FLI1: variants seen among roughly 807,000 people sequenced by gnomAD.
The protein encoded by FLI1 is Friend leukemia integration 1 transcription factor.
In FLI1, 13 loss-of-function variants were observed where a neutral mutation model predicts 53.1. The observed-to-expected ratio is 0.24, with a 90% CI of 0.16 to 0.39. The LOEUF (loss-of-function observed/expected upper bound fraction) is 0.39, where lower values mean the gene tolerates loss of function less well. Ranked by LOEUF, FLI1 falls within the 10% of genes least tolerant of loss-of-function variation. The pLI is 1.00. For missense variants in FLI1, 424 were observed against 600.5 expected, an observed-to-expected ratio of 0.71 and a Z score of 3.07; for synonymous variants, 244 against 236.7, an observed-to-expected ratio of 1.03 and a Z score of -0.28.
At chr11:128,726,203 C>G (rs1474019312) in intron 1 of FLI1, among the ~76,000 whole-genome samples, 2 of 152,140 alleles carry the variant, frequency 1.3e-5, no homozygotes, top group Non-Finnish European at 2.9e-5. Context: ...GCTCAGCCCC[C>G]CTGCCCTCCC....
chr11:128,701,923 A>G (rs1254967679), intron 1 of FLI1, among the ~76,000 whole-genome samples: 1 of 152,218 alleles, frequency 6.6e-6, no homozygotes, highest in Admixed American at 6.5e-5. Flanking sequence ...TTAGGTCTGA[A>G]TATATGGGTA....
At chr11:128,780,907 G>T (rs1293895357) in intron 4 of FLI1, among the ~76,000 whole-genome samples, 1 of 152,200 alleles carries the variant, frequency 6.6e-6, no homozygotes, top group Non-Finnish European at 1.5e-5. Context: ...CGTTTCAAGG[G>T]CTCTTTAAGA....
intron 1 of FLI1, among the ~76,000 whole-genome samples, chr11:128,727,937 CTCTCT>C: frequency 6.6e-6 from 1 of 152,370 alleles, no homozygotes. Context: ...GGCATTCCTG[CTCTCT>C]TCTCTGTCCC....
chr11:128,740,613 G>C (rs933654075), intron 1 of FLI1, among the ~76,000 whole-genome samples: 2 of 152,222 alleles, frequency 1.3e-5, no homozygotes, highest in African/African-American at 4.8e-5. Flanking sequence ...AGGAGGGTTA[G>C]TCTGCTGGGA....
At chr11:128,783,855 T>G (rs1941999065) in intron 5 of FLI1, among the ~76,000 whole-genome samples, 1 of 152,136 alleles carries the variant, frequency 6.6e-6, no homozygotes, top group Non-Finnish European at 1.5e-5. Flanking sequence ...TGAGTTTTAT[T>G]TCATTTGTGG....
chr11:128,725,864 T>C (rs1040728245), intron 1 of FLI1, among the ~76,000 whole-genome samples: 15 of 152,170 alleles, frequency 9.9e-5, no homozygotes, highest in African/African-American at 3.6e-4. Context: ...AAGCAGGCAG[T>C]GTGAGATCAC....
rs1942944966 is a variant in FLI1, at chr11:128,811,843, G to T, written c.*855G>T. ...GAAGGCAACTTACTGTATAAATTAT[G>T]CAGAGTTATTTTCCTATATCTCACA... On this transcript the variant is annotated 3_prime_UTR_variant, in exon 9 of 9. Coordinates refer to ENST00000527786, the MANE Select transcript of FLI1 (RefSeq NM_002017.5). 2 of 199,614 alleles carry T rather than the reference G, an allele frequency of 1.0e-5. No homozygotes were observed. Among genetic ancestry groups the T allele is most frequent in the Non-Finnish European group, 2.1e-5 (2 of 96,618 alleles). The allele number at this position is 199,614 out of a possible 1,614,324, so 12.4% of individuals were successfully genotyped here.
At chr11:128,797,987 C>A (rs1403978637) in intron 5 of FLI1, among the ~76,000 whole-genome samples, 2 of 152,078 alleles carry the variant, frequency 1.3e-5, no homozygotes, top group Admixed American at 1.3e-4. Flanking sequence ...AAGAGTGTAT[C>A]CCCTATGGCC....
intron 1 of FLI1, among the ~76,000 whole-genome samples, chr11:128,741,238 C>G (rs1421694654): frequency 6.6e-6 from 1 of 152,076 alleles, no homozygotes; most frequent in South Asian, 2.1e-4. Flanking sequence ...TACTAAAATA[C>G]AAAAATTAGC....
chr11:128,734,865 G>C (rs879125384), intron 1 of FLI1, among the ~76,000 whole-genome samples: 3 of 152,156 alleles, frequency 2.0e-5, no homozygotes, highest in Admixed American at 2.0e-4. Flanking sequence ...TCTAACCAAA[G>C]GGGCAAGATC....
chr11:128,793,816 T>C (rs1591379185), intron 5 of FLI1, among the ~76,000 whole-genome samples: 1 of 152,290 alleles, frequency 6.6e-6, no homozygotes, highest in Middle Eastern at 3.4e-3. Flanking sequence ...TAGGTAAACC[T>C]CCAAGTGGGG....
chr11:128,689,767 C>T (rs1263519567), upstream of FLI1, among the ~76,000 whole-genome samples: 2 of 152,370 alleles, frequency 1.3e-5, no homozygotes, highest in Non-Finnish European at 1.5e-5. Context: ...TCAGCCTGCT[C>T]TCTCTGGTCA....
chr11:128,709,539 T>C (rs932628800), intron 1 of FLI1, among the ~76,000 whole-genome samples: 4 of 152,160 alleles, frequency 2.6e-5, no homozygotes, highest in Non-Finnish European at 1.5e-5. Context: ...ATCCGGCCAT[T>C]GTTCTACTTG....
Position 128,694,238 on chromosome 11 carries a change from C to T in FLI1, c.-21C>T, listed in dbSNP as rs1486831752. On this transcript the variant is annotated 5_prime_UTR_variant, in exon 1 of 9. Transcript: ENST00000527786. ...GGTCAATGTGTGGAATATTGGGGGG[C>T]TCGGCTGCAGACTTGGCCAAATGGA... The T allele has an allele frequency of 6.7e-7, 1 of 1,503,056 alleles. No individual in the cohort carries two copies. The highest frequency in any genetic ancestry group is 8.9e-7 in the Non-Finnish European group (1 of 1,124,628). 93.1% of individuals were successfully genotyped at this position (1,503,056 alleles called of 1,614,324 possible).
rs150492934 is a variant in FLI1, at chr11:128,806,810, GA to G, written c.722-366del. On this transcript the variant is annotated intron_variant, in intron 6 of 8. Coordinates refer to ENST00000527786, the MANE Select transcript of FLI1 (RefSeq NM_002017.5). Reference sequence around the variant, plus strand: ...AAGGACTTCTCTAACTTTCCGATTTGAAAATGAAATCCACAGCCTCAGTACC... The same window carrying G: ...AAGGACTTCTCTAACTTTCCGATTTGAAATGAAATCCACAGCCTCAGTACC... 6.8e-4 allele frequency: 112 copies of G among 163,978 alleles called. 1 individual carries two copies. The highest frequency in any genetic ancestry group is 2.6e-3 in the African/African-American group (111 of 42,096). The allele number at this position is 163,978 out of a possible 1,614,324, so 10.2% of individuals were successfully genotyped here.
chr11:128,702,830 C>A, intron 1 of FLI1, among the ~76,000 whole-genome samples: 1 of 149,312 alleles, frequency 6.7e-6, no homozygotes, highest in Non-Finnish European at 1.5e-5. Context: ...CCTCTGCACT[C>A]CAGCCTGGGC....
chr11:128,696,114 C>T (rs573992897), intron 1 of FLI1: 3 of 152,216 alleles, frequency 2.0e-5, no homozygotes, highest in African/African-American at 7.2e-5. Flanking sequence ...TGGCAGGCCT[C>T]GAGAACAGGC....
intron 1 of FLI1, among the ~76,000 whole-genome samples, chr11:128,688,766 A>T (rs974369116): frequency 2.0e-5 from 3 of 152,226 alleles, no homozygotes; most frequent in Non-Finnish European, 4.4e-5. Context: ...GAGAGGGAAG[A>T]GGGTGACACT....
At chr11:128,743,458 G>GATC (rs990723347) in intron 1 of FLI1, among the ~76,000 whole-genome samples, 6 of 151,444 alleles carry the variant, frequency 4.0e-5, no homozygotes, top group Admixed American at 1.3e-4. Context: ...TTTGACAATG[G>GATC]ATCCTGAGGA....
Sources: allele counts gnomAD v4.1 joint callset (sites outside exome capture counted in the v4.1 genomes callset), GRCh38; gene constraint gnomAD v4.1.1; transcripts MANE v1.5; gene names NCBI Gene and HGNC (gene_info 2026-07-23, HGNC 2026-07-21).